The following GLRA2 variants were observed in gnomAD, a reference collection of about 807,000 sequenced individuals.
The protein encoded by GLRA2 is glycine receptor alpha 2.
Under a neutral mutation model 31.6 loss-of-function variants are expected in GLRA2, and 11 were observed. The observed-to-expected ratio is 0.35, with a 90% CI of 0.22 to 0.58. The LOEUF (loss-of-function observed/expected upper bound fraction) is 0.58, where lower values mean the gene tolerates loss of function less well. Ranked by LOEUF, GLRA2 falls within the 20% of genes least tolerant of loss-of-function variation. The probability of loss-of-function intolerance (pLI) is 0.84; values close to 1 mark genes in which losing one functional copy is unlikely to be tolerated. For missense variants in GLRA2, 212 were observed against 351.8 expected, an observed-to-expected ratio of 0.60 and a Z score of 3.18; for synonymous variants, 132 against 134.0, an observed-to-expected ratio of 0.99 and a Z score of 0.10.
At chrX:14,571,590 A>G (rs2089883852) in intron 2 of GLRA2, among the ~76,000 whole-genome samples, 1 of 111,844 alleles carries the variant, frequency 8.9e-6, no homozygotes, top group African/African-American at 3.2e-5. Context: ...TTATGCCTCA[A>G]TTTTTCTTAT....
At chrX:14,690,993 G>A (rs2091345491) in intron 8 of GLRA2, 134 bp downstream of exon 8, 1 of 613,370 alleles carries the variant, frequency 1.6e-6, no homozygotes, top group Non-Finnish European at 2.5e-6. Flanking sequence ...CTACTACACT[G>A]ACTTAGTGCT....
intron 2 of GLRA2, among the ~76,000 whole-genome samples, chrX:14,552,657 A>G (rs2089582750): frequency 8.9e-6 from 1 of 111,865 alleles, no homozygotes; most frequent in Non-Finnish European, 1.9e-5. Flanking sequence ...TTTGAGAGGT[A>G]TGCATCAACC....
At chrX:14,580,372 G>A (rs1017797333) in intron 3 of GLRA2, among the ~76,000 whole-genome samples, 4 of 112,053 alleles carry the variant, frequency 3.6e-5, no homozygotes, top group Admixed American at 9.5e-5. Context: ...AGCCTCAATC[G>A]GAGTCCAGAT....
chrX:14,537,069 A>G (rs1340625085), intron 2 of GLRA2, among the ~76,000 whole-genome samples: 4 of 111,358 alleles, frequency 3.6e-5, no homozygotes, highest in Non-Finnish European at 7.6e-5. Flanking sequence ...GGAACCATTC[A>G]TTGAAGAAAT....
intron 2 of GLRA2, among the ~76,000 whole-genome samples, chrX:14,567,066 G>A (rs948513820): frequency 2.3e-4 from 26 of 111,817 alleles, no homozygotes; most frequent in South Asian, 3.8e-4. Context: ...GCCCCAAAGC[G>A]TACAGATGTG....
chrX:14,563,928 A>C (rs1238205354), intron 2 of GLRA2, among the ~76,000 whole-genome samples: 2 of 111,689 alleles, frequency 1.8e-5, no homozygotes, highest in African/African-American at 6.5e-5. Context: ...GAAAGAAAAA[A>C]GAATAAGTGA....
the GLRA2 span, among the ~76,000 whole-genome samples, chrX:14,450,059 T>G: frequency 9.0e-6 from 1 of 111,564 alleles, no homozygotes; most frequent in Non-Finnish European, 1.9e-5. Flanking sequence ...CAAGTCTAGC[T>G]TGTTGGGATT....
intron 8 of GLRA2, among the ~76,000 whole-genome samples, chrX:14,722,095 T>C (rs1364179688): frequency 1.8e-5 from 2 of 112,006 alleles, no homozygotes; most frequent in Non-Finnish European, 1.9e-5. Context: ...TAGCTATCTA[T>C]TACTGCATAA....
chrX:14,668,833 T>C (rs1313834513), intron 7 of GLRA2, among the ~76,000 whole-genome samples: 1 of 111,435 alleles, frequency 9.0e-6, no homozygotes, highest in African/African-American at 3.3e-5. Flanking sequence ...AGCCAAACCA[T>C]ATCATTCTGC....
intron 8 of GLRA2, among the ~76,000 whole-genome samples, chrX:14,714,015 G>C (rs1170371606): frequency 9.0e-6 from 1 of 111,364 alleles, no homozygotes; most frequent in Non-Finnish European, 1.9e-5. Context: ...AGCCACCAAG[G>C]GGTGGCTCAG....
At chrX:14,534,026 A>G (rs1482149198) in intron 2 of GLRA2, among the ~76,000 whole-genome samples, 1 of 111,159 alleles carries the variant, frequency 9.0e-6, no homozygotes, top group African/African-American at 3.3e-5. Flanking sequence ...AGGAAAGTAC[A>G]AAGAGTAATA....
chrX:14,482,879 T>C, the GLRA2 span, among the ~76,000 whole-genome samples: 1 of 110,918 alleles, frequency 9.0e-6, no homozygotes, highest in African/African-American at 3.3e-5. Flanking sequence ...AAGTTAGATA[T>C]TATTATTATT....
intron 7 of GLRA2, among the ~76,000 whole-genome samples, chrX:14,681,136 T>C (rs930347103): frequency 8.9e-6 from 1 of 112,312 alleles, no homozygotes; most frequent in Non-Finnish European, 1.9e-5. Flanking sequence ...ACATGTGCCA[T>C]GTTGGTGTTC....
intron 4 of GLRA2, among the ~76,000 whole-genome samples, chrX:14,591,202 T>G (rs751856479): frequency 9.0e-4 from 100 of 111,703 alleles, no homozygotes; most frequent in Non-Finnish European, 1.7e-3. Context: ...GAACTACAAG[T>G]TACATATTAC....
the GLRA2 span, among the ~76,000 whole-genome samples, chrX:14,455,756 C>T: frequency 2.7e-5 from 3 of 111,874 alleles, no homozygotes; most frequent in African/African-American, 9.7e-5. Context: ...TTAATTTTAG[C>T]AGATGAATCT....
the GLRA2 span, among the ~76,000 whole-genome samples, chrX:14,508,084 C>A: frequency 7.2e-5 from 8 of 111,664 alleles, no homozygotes; most frequent in African/African-American, 2.3e-4. Context: ...CAGACTATTA[C>A]ATTTGTGAAG....
At chrX:14,504,827 A>ATTGTTGATGT in the GLRA2 span, among the ~76,000 whole-genome samples, 1 of 111,883 alleles carries the variant, frequency 8.9e-6, no homozygotes, top group East Asian at 2.8e-4. Flanking sequence ...CATAAAATAT[A>ATTGTTGATGT]TTGTTGATGT....
At chrX:14,583,085 A>C (rs946358558) in intron 4 of GLRA2, among the ~76,000 whole-genome samples, 2 of 111,590 alleles carry the variant, frequency 1.8e-5, no homozygotes, top group Non-Finnish European at 3.8e-5. Context: ...ATCTCTAATC[A>C]TTAGAAAAAT....
chrX:14,711,339 T>C (rs1257803201), intron 8 of GLRA2, among the ~76,000 whole-genome samples: 2 of 112,413 alleles, frequency 1.8e-5, no homozygotes, highest in Non-Finnish European at 3.8e-5. Flanking sequence ...TGTTTATAAA[T>C]TGGAATATCA....
Sources: allele counts gnomAD v4.1 joint callset (sites outside exome capture counted in the v4.1 genomes callset), GRCh38; gene constraint gnomAD v4.1.1; transcripts MANE v1.5; gene names NCBI Gene and HGNC (gene_info 2026-07-23, HGNC 2026-07-21).